SNPH: variants seen among roughly 807,000 people sequenced by gnomAD.
SNPH encodes the protein syntaphilin.
A neutral mutation model predicts 36.8 loss-of-function variants in SNPH; 10 were observed. The observed-to-expected ratio is 0.27, with a 90% CI of 0.17 to 0.46. SNPH has a LOEUF of 0.46. Ranked by LOEUF, SNPH falls within the 20% of genes least tolerant of loss-of-function variation. The pLI is 1.00. For missense variants in SNPH, 622 were observed against 744.0 expected (o/e 0.84, Z 1.91); for synonymous variants, 281 against 312.2 (o/e 0.90, Z 1.05).
chr20:1,298,006 A>C (rs1568548654), intron 5 of SNPH, among the ~76,000 whole-genome samples: 1 of 152,208 alleles, frequency 6.6e-6, no homozygotes, highest in East Asian at 1.9e-4. Flanking sequence ...ACAAAGCAGG[A>C]TCATGTTGGA....
Position 1,296,350 on chromosome 20 carries a change from C to G in SNPH, c.111C>G (p.Pro37=), listed in dbSNP as rs764537703. 6.2e-7 allele frequency: 1 copy of G among 1,601,312 alleles called. No homozygotes were observed. The highest frequency in any genetic ancestry group is 1.1e-5 in the South Asian group (1 of 89,450). ...CCCCCGGGATACCGCCCATCCCACC[C>G]CTTACTCGGACCCACAGCCTCATGG... ...SSAPGIPPIP[P]LTRTHSLMAM... The change falls in exon 4 of 7, where the codon CCC becomes CCG. Residue 37 remains proline, a synonymous_variant. Coordinates refer to ENST00000381867, the MANE Select transcript of SNPH (RefSeq NM_001318234.2).
At chr20:1,297,880 T>G (rs981775625) in intron 5 of SNPH, among the ~76,000 whole-genome samples, 4 of 152,228 alleles carry the variant, frequency 2.6e-5, no homozygotes, top group African/African-American at 9.6e-5. Flanking sequence ...TCTACCATCA[T>G]GCACTTCTCA....
At chr20:1,300,074 T>C (rs1470970343) in intron 5 of SNPH, among the ~76,000 whole-genome samples, 1 of 152,152 alleles carries the variant, frequency 6.6e-6, no homozygotes, top group Non-Finnish European at 1.5e-5. Context: ...ATCTGCCACT[T>C]ACACCTCAGT....
At position 1,305,294 on chromosome 20, in the gene SNPH, A is replaced by G. The variant is rs746725748; in HGVS notation, c.857A>G (p.Asp286Gly). The change falls in exon 7 of 7, where the codon GAC becomes GGC. Residue 286 changes from aspartate (D) to glycine (G), a missense_variant. Asp to Gly is a moderately conservative substitution (Grantham distance 94, BLOSUM62 -1). Coordinates refer to ENST00000381867, the MANE Select transcript of SNPH (RefSeq NM_001318234.2). ...PSSGSAEDGA[D>G]SGFAAADDTL... ...AGCGGCTCTGCTGAGGATGGGGCAGACAGTGGCTTTGCAGCAGCCGATGAC... is the reference window on the plus strand; with the variant it reads ...AGCGGCTCTGCTGAGGATGGGGCAGGCAGTGGCTTTGCAGCAGCCGATGAC... The G allele has an allele frequency of 2.7e-5, 44 of 1,610,440 alleles. No individual in the cohort carries two copies. The South Asian group carries it at 4.5e-4, about 16-fold the overall frequency.
At chr20:1,297,293 G>A in intron 5 of SNPH, 41 bp downstream of exon 5, 1 of 1,587,712 alleles carries the variant, frequency 6.3e-7, no homozygotes, top group Non-Finnish European at 8.6e-7. Context: ...CTGCTGGCTG[G>A]GAACAGGTTG....
At chr20:1,281,470 G>A (rs1216676922) in intron 2 of SNPH, among the ~76,000 whole-genome samples, 1 of 152,112 alleles carries the variant, frequency 6.6e-6, no homozygotes, top group Non-Finnish European at 1.5e-5. Context: ...AGCTCAAAAG[G>A]CTTTTTTCTG....
chr20:1,293,223 T>G (rs1003753934), intron 2 of SNPH, among the ~76,000 whole-genome samples: 1 of 152,190 alleles, frequency 6.6e-6, no homozygotes, highest in Admixed American at 6.5e-5. Context: ...TCATGCTCCC[T>G]GGACCCCCAT....
rs781581132 is a variant in SNPH, at chr20:1,276,946, C to T, written c.-493+10186C>T. On this transcript the variant is annotated intron_variant, in intron 2 of 6. Coordinates refer to ENST00000381867, the MANE Select transcript of SNPH (RefSeq NM_001318234.2). The surrounding 1 kb of genome is among the most constrained non-coding windows in gnomAD (Gnocchi z 4.6). ...CAATTATTAGAAATCAGTTGGGGTT[C>T]GGCTTGGATGTCTGTTTTGCACAGA... 2.8e-4 allele frequency among the ~76,000 whole-genome samples: 42 copies of T among 152,160 alleles called. No individual in the cohort carries two copies. The highest frequency in any genetic ancestry group is 5.9e-4 in the Non-Finnish European group (40 of 68,004).
chr20:1,280,482 G>C (rs923288593), intron 2 of SNPH, among the ~76,000 whole-genome samples: 2 of 152,240 alleles, frequency 1.3e-5, no homozygotes. Context: ...GAATTGCAAA[G>C]GAGGTGTGTG....
Position 1,266,875 on chromosome 20 carries a change from G to T in SNPH, c.-493+115G>T. The T allele has an allele frequency of 2.4e-6, 3 of 1,248,002 alleles. No individual in the cohort carries two copies. Among genetic ancestry groups the T allele is most frequent in the Non-Finnish European group, 3.0e-6 (3 of 991,490 alleles). 77.3% of individuals were successfully genotyped at this position (1,248,002 alleles called of 1,614,324 possible). ...CCTTGGAGGGCACCAGCCTAAGAGG[G>T]GTTAATCGTGACTCATTCTTACCCT... On this transcript the variant is annotated intron_variant, in intron 2 of 6. Transcript: ENST00000381867. The surrounding 1 kb of genome is among the most constrained non-coding windows in gnomAD (Gnocchi z 6.0).
intron 6 of SNPH, among the ~76,000 whole-genome samples, chr20:1,303,818 G>A (rs188676544): frequency 6.6e-6 from 1 of 152,294 alleles, no homozygotes; most frequent in East Asian, 1.9e-4. Context: ...CACGGCATTT[G>A]TAGATTTTAC....
At chr20:1,289,980 G>A (rs931703189) in intron 2 of SNPH, among the ~76,000 whole-genome samples, 2 of 152,138 alleles carry the variant, frequency 1.3e-5, no homozygotes, top group African/African-American at 2.4e-5. Flanking sequence ...GGAGGCCAAG[G>A]TGGGTGGATT....
intron 2 of SNPH, among the ~76,000 whole-genome samples, chr20:1,280,664 C>G (rs566991997): frequency 6.6e-6 from 1 of 152,114 alleles, no homozygotes; most frequent in Non-Finnish European, 1.5e-5. Flanking sequence ...CCCCAAGTAC[C>G]GTGGTCTCCA....
chr20:1,267,240 C>G (rs1255538064), intron 2 of SNPH, among the ~76,000 whole-genome samples: 1 of 151,672 alleles, frequency 6.6e-6, no homozygotes, highest in Non-Finnish European at 1.5e-5. Flanking sequence ...GAAAAAATGC[C>G]CATAAGTCCT....
chr20:1,284,434 A>C (rs1441537931), intron 2 of SNPH, among the ~76,000 whole-genome samples: 1 of 152,212 alleles, frequency 6.6e-6, no homozygotes, highest in African/African-American at 2.4e-5. Context: ...ATGGGCATCC[A>C]TCCTTACCTC....
At chr20:1,300,995 C>A (rs1335356021) in intron 6 of SNPH, among the ~76,000 whole-genome samples, 1 of 152,378 alleles carries the variant, frequency 6.6e-6, no homozygotes, top group East Asian at 1.9e-4. Flanking sequence ...CCTTTCCCAG[C>A]TTCAGCCTGG....
At chr20:1,301,428 A>G (rs2088508457) in intron 6 of SNPH, among the ~76,000 whole-genome samples, 2 of 151,956 alleles carry the variant, frequency 1.3e-5, no homozygotes, top group South Asian at 2.1e-4. Flanking sequence ...CATGCAGCCT[A>G]TTGTGAGCTG....
Position 1,276,650 on chromosome 20 carries a change from G to A in SNPH, c.-493+9890G>A, listed in dbSNP as rs1044675504. Among the ~76,000 whole-genome samples, 4 of 152,174 alleles carry A rather than the reference G, an allele frequency of 2.6e-5. No individual in the cohort carries two copies. The highest frequency in any genetic ancestry group is 4.4e-5 in the Non-Finnish European group (3 of 68,028). On this transcript the variant is annotated intron_variant, in intron 2 of 6. Coordinates refer to ENST00000381867, the MANE Select transcript of SNPH (RefSeq NM_001318234.2). This position sits in a 1 kb window ranked among gnomAD's most constrained non-coding sequence, Gnocchi z 4.6. Reference sequence around the variant, plus strand: ...GCTTTATTTATTAAACACAGTAGGTGCTTAATAAATGCCAGTACCCTTTCA... The same window carrying A: ...GCTTTATTTATTAAACACAGTAGGTACTTAATAAATGCCAGTACCCTTTCA...
At chr20:1,272,909 T>G (rs762782509) in intron 2 of SNPH, among the ~76,000 whole-genome samples, 23 of 152,244 alleles carry the variant, frequency 1.5e-4, no homozygotes, top group Non-Finnish European at 3.1e-4. Context: ...CTGTACCCCT[T>G]GAAGCTGGCC....
Sources: allele counts gnomAD v4.1 joint callset (sites outside exome capture counted in the v4.1 genomes callset), GRCh38; gene constraint gnomAD v4.1.1; non-coding constraint Gnocchi (gnomAD v3.1); transcripts MANE v1.5; gene names NCBI Gene and HGNC (gene_info 2026-07-23, HGNC 2026-07-21).